TRPM3: variants seen among roughly 807,000 people sequenced by gnomAD.
TRPM3 encodes the protein long transient receptor potential channel 3.
A neutral mutation model predicts 181.2 loss-of-function variants in TRPM3; 77 were observed. The observed-to-expected ratio is 0.42, with a 90% CI of 0.35 to 0.51. TRPM3 has a LOEUF of 0.51. Ranked by LOEUF, TRPM3 falls within the 20% of genes least tolerant of loss-of-function variation. The probability of loss-of-function intolerance (pLI) is 0.01; values close to 1 mark genes in which losing one functional copy is unlikely to be tolerated. For missense variants in TRPM3, 1,759 were observed against 2,196.7 expected (o/e 0.80, Z 3.98); for synonymous variants, 745 against 796.4 (o/e 0.94, Z 1.09).
At chr9:71,070,276 C>T (rs570633606) in intron 1 of TRPM3, among the ~76,000 whole-genome samples, 7 of 152,292 alleles carry the variant, frequency 4.6e-5, no homozygotes, top group South Asian at 2.1e-4. Flanking sequence ...GTTTCTGCAT[C>T]GATTGTTATG....
At chr9:71,444,582 CT>C (rs2131694394) in intron 1 of TRPM3, among the ~76,000 whole-genome samples, 1 of 151,920 alleles carries the variant, frequency 6.6e-6, no homozygotes, top group East Asian at 1.9e-4. Flanking sequence ...CTGCTTTAAT[CT>C]TTACAGGTTA....
At chr9:70,549,801 T>A in intron 24 of TRPM3, 127 bp from the exon 25 acceptor site, 1 of 942,462 alleles carries the variant, frequency 1.1e-6, no homozygotes, top group Non-Finnish European at 1.5e-6. Flanking sequence ...CCTTGTTAAG[T>A]CTCAAATGAA....
intron 3 of TRPM3, among the ~76,000 whole-genome samples, chr9:70,846,808 C>T (rs7847667): frequency 0.57 from 86,306 of 152,060 alleles, 24,860 homozygotes; most frequent in Non-Finnish European, 0.58. Context: ...ATAATTCATT[C>T]TGAAATTATT....
chr9:71,360,513 A>C (rs2132722363), intron 1 of TRPM3, among the ~76,000 whole-genome samples: 1 of 152,342 alleles, frequency 6.6e-6, no homozygotes, highest in East Asian at 1.9e-4. Context: ...GGAATGAAAG[A>C]ACAAAGATGC....
chr9:70,960,567 C>T (rs1401765978), intron 1 of TRPM3, among the ~76,000 whole-genome samples: 3 of 152,090 alleles, frequency 2.0e-5, no homozygotes, highest in African/African-American at 4.8e-5. Flanking sequence ...GCTTAAAGAG[C>T]GATGTTGTAG....
At chr9:71,376,052 A>G (rs1159448735) in intron 1 of TRPM3, among the ~76,000 whole-genome samples, 1 of 152,074 alleles carries the variant, frequency 6.6e-6, no homozygotes, top group Non-Finnish European at 1.5e-5. Context: ...ATAAAATTAA[A>G]TGATGCATTT....
At chr9:71,420,977 G>GAGAGAGAA (rs2093755315) in intron 1 of TRPM3, among the ~76,000 whole-genome samples, 1 of 123,930 alleles carries the variant, frequency 8.1e-6, no homozygotes, top group South Asian at 2.9e-4. Flanking sequence ...GAGAGAAAAA[G>GAGAGAGAA]AGAGAGAAAA....
intron 1 of TRPM3, among the ~76,000 whole-genome samples, chr9:70,958,123 A>C (rs969136242): frequency 3.9e-5 from 6 of 152,066 alleles, no homozygotes; most frequent in African/African-American, 1.4e-4. Flanking sequence ...GCTCCCTGAT[A>C]ATGGCTGTGG....
At chr9:70,816,302 C>A (rs1393538030) in intron 6 of TRPM3, among the ~76,000 whole-genome samples, 2 of 152,174 alleles carry the variant, frequency 1.3e-5, no homozygotes, top group African/African-American at 4.8e-5. Context: ...CTGTATCTTG[C>A]CAAATCATTA....
At chr9:70,561,997 T>C (rs1460740245) in intron 22 of TRPM3, among the ~76,000 whole-genome samples, 1 of 152,244 alleles carries the variant, frequency 6.6e-6, no homozygotes, top group Non-Finnish European at 1.5e-5. Context: ...CTCAAGCATC[T>C]GGTAGAATTT....
chr9:70,756,624 G>A (rs192964742), intron 8 of TRPM3, among the ~76,000 whole-genome samples: 1 of 150,906 alleles, frequency 6.6e-6, no homozygotes, highest in Admixed American at 6.6e-5. Flanking sequence ...TCAAAAGAAC[G>A]GAAACCAACA....
At chr9:71,314,101 T>A (rs2088293344) in intron 1 of TRPM3, among the ~76,000 whole-genome samples, 1 of 152,170 alleles carries the variant, frequency 6.6e-6, no homozygotes, top group Non-Finnish European at 1.5e-5. Flanking sequence ...CTCCATATTC[T>A]ATAATGTTGC....
At chr9:71,062,447 A>T (rs571994537) in intron 1 of TRPM3, among the ~76,000 whole-genome samples, 1 of 152,142 alleles carries the variant, frequency 6.6e-6, no homozygotes, top group Non-Finnish European at 1.5e-5. Flanking sequence ...TTGCAAGAAC[A>T]TCAATACAAA....
At chr9:71,240,840 A>G (rs2081621778) in intron 1 of TRPM3, among the ~76,000 whole-genome samples, 1 of 152,178 alleles carries the variant, frequency 6.6e-6, no homozygotes, top group Non-Finnish European at 1.5e-5. Context: ...AAAGGAATTC[A>G]TAGAGTAGTA....
chr9:71,386,545 T>A (rs768408944), intron 1 of TRPM3, among the ~76,000 whole-genome samples: 20 of 152,118 alleles, frequency 1.3e-4, no homozygotes, highest in Non-Finnish European at 2.6e-4. Context: ...ATCTTGGCTC[T>A]GAACTGTCTG....
rs2093913991 is a variant in TRPM3 at position 71,428,887 on chromosome 9, A to C, written c.183+17766T>G. Among the ~76,000 whole-genome samples, 3 of 151,742 alleles carry C rather than the reference A, an allele frequency of 2.0e-5. No individual in the cohort carries two copies. The South Asian group carries it at 6.3e-4, about 32-fold the overall frequency. On this transcript the variant is annotated intron_variant, in intron 1 of 24. Transcript: ENST00000357533. ...AGAATTTGCTTCTTAATTTAAAAGCAAGAACTTCATGATTGCACCGCACTC... is the reference window on the plus strand; with the variant it reads ...AGAATTTGCTTCTTAATTTAAAAGCCAGAACTTCATGATTGCACCGCACTC...
At chr9:71,275,845 C>CT (rs11453930) in intron 1 of TRPM3, among the ~76,000 whole-genome samples, 72,303 of 143,106 alleles carry the variant, frequency 0.51, 17,771 homozygotes, top group African/African-American at 0.54. Context: ...AAAGAAGGAA[C>CT]TTTTTTTTTT....
chr9:71,121,078 T>TA, intron 1 of TRPM3, 100 bp downstream of exon 1: 1 of 1,216,376 alleles, frequency 8.2e-7, no homozygotes, highest in East Asian at 2.4e-5. Context: ...CTGCATGCAT[T>TA]TAGGCTCCCC....
chr9:70,608,492 G>GAATC (rs957433097), intron 19 of TRPM3, among the ~76,000 whole-genome samples: 48 of 152,218 alleles, frequency 3.2e-4, no homozygotes, highest in African/African-American at 1.0e-3. Context: ...AACAGTTGGG[G>GAATC]AATCATAATA....
Sources: gnomAD v4.1 joint callset for allele counts (sites outside exome capture counted in the v4.1 genomes callset) on GRCh38, gnomAD v4.1.1 for gene constraint, MANE v1.5 for transcripts, NCBI Gene and HGNC (gene_info 2026-07-23, HGNC 2026-07-21) for gene names.